Variants in PHC3 observed in about 807,000 individuals in gnomAD.
The protein encoded by PHC3 is polyhomeotic-like protein 3.
In PHC3, 13 loss-of-function variants were observed where a neutral mutation model predicts 107.4. That is an observed-to-expected ratio of 0.12 (90% CI 0.08 to 0.19). The LOEUF (loss-of-function observed/expected upper bound fraction) is 0.19. PHC3 is among the 10% of genes least tolerant of loss of function. PHC3 has a pLI of 1.00. For missense variants in PHC3, 992 were observed against 1,210.9 expected (o/e 0.82, Z 2.68); for synonymous variants, 456 against 427.4 (o/e 1.07, Z -0.83).
In PHC3 at chr3:170,155,731, A is replaced by G. The variant is rs116472016; in HGVS notation, c.415-6487T>C. On this transcript the variant is annotated intron_variant, in intron 4 of 14. Coordinates refer to ENST00000495893, the MANE Select transcript of PHC3 (RefSeq NM_024947.4). Reference sequence around the variant, plus strand: ...GCGAGACCCTGTCTCCAAAAAAAAAAGTTAAGAAAAATGACTGCATTGGAT... The same window carrying G: ...GCGAGACCCTGTCTCCAAAAAAAAAGGTTAAGAAAAATGACTGCATTGGAT... Among the ~76,000 whole-genome samples, 1,513 of 152,186 alleles carry G rather than the reference A, an allele frequency of 9.9e-3. 13 individuals carry two copies. Among genetic ancestry groups the G allele is most frequent in the Middle Eastern group, 0.034 (10 of 294 alleles).
chr3:170,112,585 G>A (rs1354635808), intron 11 of PHC3, among the ~76,000 whole-genome samples: 3 of 144,030 alleles, frequency 2.1e-5, no homozygotes, highest in East Asian at 2.1e-4. Flanking sequence ...GCACAGTGGC[G>A]CAATCTCAGC....
intron 6 of PHC3, among the ~76,000 whole-genome samples, chr3:170,143,330 A>G (rs1444379151): frequency 6.6e-6 from 1 of 152,210 alleles, no homozygotes; most frequent in Non-Finnish European, 1.5e-5. Context: ...CGGGGGAAAA[A>G]AAGTCCAATA....
rs766660824 is a variant in PHC3 at position 170,149,172 on chromosome 3, T to C, written c.487A>G (p.Ser163Gly). ...AGTAACATAGTCTGTTGGGTAATAC[T>C]GCCGCTGGTAGAACTGGAAGCCTGG... ...RSQASSSTSG[S>G]ITQQTMLLGS... The change falls in exon 5 of 15, where the codon AGT becomes GGT. Residue 163 changes from serine to glycine, a missense_variant. Physicochemically the swap from Ser to Gly is moderately conservative, Grantham distance 56. Transcript: ENST00000495893. The C allele has an allele frequency of 1.8e-5, 29 of 1,613,384 alleles. No homozygotes were observed. Among genetic ancestry groups the C allele is most frequent in the Non-Finnish European group, 2.4e-5 (28 of 1,179,772 alleles).
intron 11 of PHC3, among the ~76,000 whole-genome samples, chr3:170,107,954 A>C (rs535583307): frequency 7.9e-5 from 12 of 152,332 alleles, no homozygotes; most frequent in Non-Finnish European, 1.5e-4. Context: ...AAAGAATTGA[A>C]GTGGCAATTA....
chr3:170,141,290 A>G (rs1724063931), intron 6 of PHC3, among the ~76,000 whole-genome samples: 1 of 152,214 alleles, frequency 6.6e-6, no homozygotes, highest in African/African-American at 2.4e-5. Context: ...CTGCCATTTC[A>G]AAAGCACAGA....
intron 4 of PHC3, among the ~76,000 whole-genome samples, chr3:170,159,316 T>A (rs1252272599): frequency 2.0e-5 from 3 of 148,600 alleles, no homozygotes; most frequent in Non-Finnish European, 4.5e-5. Flanking sequence ...ATTTTATCCA[T>A]AATAGAAAAA....
intron 9 of PHC3, among the ~76,000 whole-genome samples, chr3:170,121,195 A>G (rs770281389): frequency 5.3e-5 from 8 of 152,172 alleles, no homozygotes; most frequent in Non-Finnish European, 1.0e-4. Context: ...ACAAGCAGCA[A>G]GCCATGCATG....
At chr3:170,153,878 T>C (rs1307605143) in intron 4 of PHC3, among the ~76,000 whole-genome samples, 5 of 152,132 alleles carry the variant, frequency 3.3e-5, no homozygotes, top group Non-Finnish European at 7.4e-5. Flanking sequence ...GCAAGGTATG[T>C]GTAGTATCAT....
chr3:170,171,516 G>A, intron 3 of PHC3, 66 bp from the exon 4 acceptor site: 1 of 1,135,942 alleles, frequency 8.8e-7, no homozygotes, highest in Non-Finnish European at 1.3e-6. Flanking sequence ...CTGGTACCAT[G>A]ATAACACAAA....
chr3:170,166,201 T>C (rs914787921), intron 4 of PHC3, among the ~76,000 whole-genome samples: 4 of 151,844 alleles, frequency 2.6e-5, no homozygotes, highest in African/African-American at 4.8e-5. Context: ...CGTACCACCA[T>C]GGAAGGCTTA....
intron 5 of PHC3, among the ~76,000 whole-genome samples, chr3:170,146,803 G>C (rs887310607): frequency 1.3e-5 from 2 of 150,436 alleles, no homozygotes; most frequent in African/African-American, 4.9e-5. Context: ...AAAGTGCTGG[G>C]ATTACAGGCG....
At chr3:170,101,766 A>G (rs1232869859) in intron 14 of PHC3, among the ~76,000 whole-genome samples, 1 of 152,128 alleles carries the variant, frequency 6.6e-6, no homozygotes, top group Non-Finnish European at 1.5e-5. Context: ...GGTGGATATA[A>G]AAGATTATTG....
chr3:170,133,087 T>A (rs1722517807), intron 7 of PHC3, among the ~76,000 whole-genome samples: 1 of 152,128 alleles, frequency 6.6e-6, no homozygotes. Flanking sequence ...TACAAGTAGA[T>A]TTTTTTACAT....
intron 4 of PHC3, chr3:170,149,979 A>T (rs2108595734): frequency 6.6e-6 from 1 of 152,316 alleles, no homozygotes; most frequent in African/African-American, 2.4e-5. Flanking sequence ...TGTTCTCAAC[A>T]CTAAGAAATG....
chr3:170,170,671 T>A (rs2108746458), intron 4 of PHC3: 1 of 152,102 alleles, frequency 6.6e-6, no homozygotes, highest in South Asian at 2.1e-4. Flanking sequence ...ATACATGTAG[T>A]GGAAAAGAAT....
chr3:170,118,916 C>A (rs377609809), intron 9 of PHC3, among the ~76,000 whole-genome samples: 1 of 151,812 alleles, frequency 6.6e-6, no homozygotes, highest in South Asian at 2.1e-4. Flanking sequence ...AGCCACCATG[C>A]CCAGCCTTCA....
At chr3:170,133,260 C>T (rs1022152494) in intron 7 of PHC3, among the ~76,000 whole-genome samples, 1 of 151,482 alleles carries the variant, frequency 6.6e-6, no homozygotes, top group Non-Finnish European at 1.5e-5. Flanking sequence ...CTCACTGCAA[C>T]CTCCGCCTCC....
intron 4 of PHC3, among the ~76,000 whole-genome samples, chr3:170,155,088 T>G (rs1319766777): frequency 6.6e-6 from 1 of 152,162 alleles, no homozygotes; most frequent in Non-Finnish European, 1.5e-5. Context: ...TGACGCTAAT[T>G]CTAGGAGTCA....
At chr3:170,159,790 G>C (rs952756747) in intron 4 of PHC3, among the ~76,000 whole-genome samples, 5 of 152,052 alleles carry the variant, frequency 3.3e-5, no homozygotes, top group African/African-American at 1.2e-4. Context: ...AAAACAGGCA[G>C]TTACCCCAGA....
Sources: allele counts gnomAD v4.1 joint callset (sites outside exome capture counted in the v4.1 genomes callset), GRCh38; gene constraint gnomAD v4.1.1; transcripts MANE v1.5; gene names NCBI Gene and HGNC (gene_info 2026-07-23, HGNC 2026-07-21).